Variants in KCNIP3 observed in about 807,000 individuals in gnomAD.
KCNIP3 encodes calsenilin.
In KCNIP3, 28 loss-of-function variants were observed where a neutral mutation model predicts 35.0. That is an observed-to-expected ratio of 0.80 (90% CI 0.59 to 1.10). KCNIP3 has a LOEUF of 1.10. KCNIP3 is among the 50% of genes least tolerant of loss of function. The probability of loss-of-function intolerance (pLI) is 0.00; values close to 1 mark genes in which losing one functional copy is unlikely to be tolerated. For synonymous variants in KCNIP3, 134 were observed against 133.8 expected, an observed-to-expected ratio of 1.00 and a Z score of -0.01; for missense variants, 295 against 338.4, an observed-to-expected ratio of 0.87 and a Z score of 1.01.
rs1015644566 is a variant in KCNIP3 at position 95,382,136 on chromosome 2, C to T, written c.556-241C>T. ...CCAAGCACTTTTTCTGCTGCCGCGTCACATTTTGGAGATAAGCACATAGCA... is the reference window on the plus strand; with the variant it reads ...CCAAGCACTTTTTCTGCTGCCGCGTTACATTTTGGAGATAAGCACATAGCA... On this transcript the variant is annotated intron_variant, in intron 6 of 8. Transcript: ENST00000295225. This position sits in a 1 kb window ranked among gnomAD's most constrained non-coding sequence, Gnocchi z 4.5. 6.6e-6 allele frequency among the ~76,000 whole-genome samples: 1 copy of T among 152,192 alleles called. No individual in the cohort carries two copies. The highest frequency in any genetic ancestry group is 1.5e-5 in the Non-Finnish European group (1 of 68,028).
chr2:95,327,754 C>T lies in KCNIP3; in HGVS notation c.181+17234C>T, dbSNP rs148678118. On this transcript the variant is annotated intron_variant, in intron 2 of 8. Coordinates refer to ENST00000295225, the MANE Select transcript of KCNIP3 (RefSeq NM_013434.5). ...CTGAGAGAGGGAATGGTTTGTCCAT[C>T]CATCTGTTTGTCCATCTATCCGTCC... is the stretch of plus-strand genomic sequence containing the variant. Among the ~76,000 whole-genome samples the T allele has an allele frequency of 1.2e-3, 188 of 152,326 alleles. 1 individual carries two copies. The highest frequency in any genetic ancestry group is 4.1e-3 in the African/African-American group (169 of 41,576).
At chr2:95,383,122 C>CCAA (rs1680388587) in intron 7 of KCNIP3, 110 bp from the exon 8 acceptor site, 15 of 415,472 alleles carry the variant, frequency 3.6e-5, no homozygotes, top group African/African-American at 6.6e-5. Flanking sequence ...CCCACCCGCC[C>CCAA]ATCCACCCAC....
Position 95,297,581 on chromosome 2 carries a change from T to G in KCNIP3, c.15+128T>G, listed in dbSNP as rs887082781. On this transcript the variant is annotated intron_variant, in intron 1 of 8. Transcript: ENST00000295225. ...TTGTCCCCTCTTGTTCCACTTTCCT[T>G]TGGGGAAAGTGAGCGTTGGGGCGTC... 7 of 778,426 alleles carry G rather than the reference T, an allele frequency of 9.0e-6. No homozygotes were observed. In the African/African-American group the frequency reaches 1.1e-4, roughly 12 times the overall value. The allele number at this position is 778,426 out of a possible 1,614,324, so 48.2% of individuals were successfully genotyped here. A position where few individuals can be genotyped will look rare whatever the true frequency, so the allele number is the denominator to read the frequency against.
At position 95,375,204 on chromosome 2, in the gene KCNIP3, T is replaced by C. The variant is rs774210393; in HGVS notation, c.443T>C (p.Phe148Ser). 3.7e-6 allele frequency: 6 copies of C among 1,613,962 alleles called. No homozygotes were observed. The African/African-American group carries it at 8.0e-5, about 22-fold the overall frequency. ...FDADGNGAIH[F>S]EDFVVGLSIL... ...GCGGACGGGAACGGGGCCATCCACT[T>C]TGAGGTAGGTCCTCGCGGATTCCTC... Residue 148 changes from phenylalanine to serine, a missense_variant, in exon 5 of 9, where the codon TTT becomes TCT. Physicochemically the swap from Phe to Ser is radical, Grantham distance 155. Transcript: ENST00000295225.
chr2:95,303,874 G>A (rs1475979145), intron 1 of KCNIP3, among the ~76,000 whole-genome samples: 3 of 152,216 alleles, frequency 2.0e-5, no homozygotes, highest in African/African-American at 4.8e-5. Context: ...AGTAGGCACA[G>A]TAAAGAAAGA....
At chr2:95,344,560 A>C (rs1306188505) in intron 2 of KCNIP3, among the ~76,000 whole-genome samples, 1 of 152,216 alleles carries the variant, frequency 6.6e-6, no homozygotes, top group Non-Finnish European at 1.5e-5. Context: ...GCAGTCATCG[A>C]AGCTCTCACT....
At chr2:95,368,683 C>T in intron 2 of KCNIP3, 1 of 282,930 alleles carries the variant, frequency 3.5e-6, no homozygotes. Flanking sequence ...TGTCTGTCAT[C>T]AGCAGTGGTG....
At chr2:95,348,457 C>T (rs182354351) in intron 2 of KCNIP3, among the ~76,000 whole-genome samples, 7 of 152,238 alleles carry the variant, frequency 4.6e-5, no homozygotes, top group Admixed American at 3.3e-4. Context: ...CTGGGGTGGG[C>T]GTGGGGGGTG....
At chr2:95,358,413 G>A (rs1679710713) in intron 2 of KCNIP3, among the ~76,000 whole-genome samples, 1 of 152,316 alleles carries the variant, frequency 6.6e-6, no homozygotes, top group South Asian at 2.1e-4. Context: ...AGCCCTGCTT[G>A]TAGTCTGTCA....
chr2:95,383,886 A>T, intron 8 of KCNIP3, 116 bp from the exon 9 acceptor site: 1 of 885,146 alleles, frequency 1.1e-6, no homozygotes, highest in Non-Finnish European at 1.9e-6. Flanking sequence ...GCACCCAATA[A>T]GACAGACAGA....
At chr2:95,341,297 C>T (rs1679188444) in intron 2 of KCNIP3, among the ~76,000 whole-genome samples, 1 of 152,180 alleles carries the variant, frequency 6.6e-6, no homozygotes, top group Non-Finnish European at 1.5e-5. Flanking sequence ...GTGCCTGCTC[C>T]CCCTTCACCT....
At chr2:95,328,964 AGGAGG>A (rs1282586851) in intron 2 of KCNIP3, among the ~76,000 whole-genome samples, 1 of 152,092 alleles carries the variant, frequency 6.6e-6, no homozygotes, top group African/African-American at 2.4e-5. Flanking sequence ...GGAGCTGCAG[AGGAGG>A]GGAGGGCAGA....
At chr2:95,362,462 A>AC (rs1679823736) in intron 2 of KCNIP3, among the ~76,000 whole-genome samples, 1 of 152,100 alleles carries the variant, frequency 6.6e-6, no homozygotes, top group South Asian at 2.1e-4. Context: ...CAACCTTGTG[A>AC]CCCCACGTAA....
intron 2 of KCNIP3, among the ~76,000 whole-genome samples, chr2:95,321,325 A>G (rs954139982): frequency 6.6e-6 from 1 of 152,196 alleles, no homozygotes; most frequent in Non-Finnish European, 1.5e-5. Context: ...ATTTAATACC[A>G]GATATAAGCA....
chr2:95,382,695 A>G lies in KCNIP3; in HGVS notation c.660+214A>G, dbSNP rs984449371. Among the ~76,000 whole-genome samples, 1 of 152,146 alleles carries G rather than the reference A, an allele frequency of 6.6e-6. No homozygotes were observed. The highest frequency in any genetic ancestry group is 6.5e-5 in the Admixed American group (1 of 15,282). On this transcript the variant is annotated intron_variant, in intron 7 of 8. Coordinates refer to ENST00000295225, the MANE Select transcript of KCNIP3 (RefSeq NM_013434.5). The surrounding 1 kb of genome is among the most constrained non-coding windows in gnomAD (Gnocchi z 4.5). The stretch of plus-strand genomic sequence containing the variant: ...CCTGTGGACCTCATCTGGGGGCCAG[A>G]GCTGGGGATCCTGAGGCAGCTGACC...
chr2:95,384,061 A>C lies in KCNIP3; in HGVS notation c.*12A>C. 1 of 1,613,464 alleles carries C rather than the reference A, an allele frequency of 6.2e-7. No individual in the cohort carries two copies. Among genetic ancestry groups the C allele is most frequent in the Non-Finnish European group, 8.5e-7 (1 of 1,179,502 alleles). On this transcript the variant is annotated 3_prime_UTR_variant, in exon 9 of 9. Coordinates refer to ENST00000295225, the MANE Select transcript of KCNIP3 (RefSeq NM_013434.5). ...AGAATGTCATCTAGGACACGTCCAA[A>C]GGAGTGCATGGCCACAGCCACCTCC...
At chr2:95,298,200 G>C (rs1677923909) in intron 1 of KCNIP3, among the ~76,000 whole-genome samples, 2 of 146,440 alleles carry the variant, frequency 1.4e-5, no homozygotes, top group South Asian at 4.4e-4. Flanking sequence ...CTGATGCCCT[G>C]TGAGCTGCTC....
At position 95,310,405 on chromosome 2, in the gene KCNIP3, A is replaced by G. The variant is rs1678281774; in HGVS notation, c.66A>G (p.Thr22=). 3 of 1,613,682 alleles carry G rather than the reference A, an allele frequency of 1.9e-6. No individual in the cohort carries two copies. The highest frequency in any genetic ancestry group is 1.1e-5 in the South Asian group (1 of 91,010). ...DGSLLGDLGH[T]PLSKKEGIKW... is the part of the protein sequence containing the mutation. ...GCCTCCTGGGGGACCTCGGGCACAC[A>G]CCACTTAGCAAGAAGGAGGGTATCA... is the stretch of plus-strand genomic sequence containing the variant. The change falls in exon 2 of 9, where the codon ACA becomes ACG. Residue 22 remains threonine, a synonymous_variant. Transcript: ENST00000295225.
intron 2 of KCNIP3, chr2:95,311,994 G>T (rs893198716): frequency 2.0e-5 from 3 of 152,206 alleles, no homozygotes; most frequent in African/African-American, 7.2e-5. Flanking sequence ...ATGAAAATGC[G>T]CCTGCTCTCC....
Sources: gnomAD v4.1 joint callset for allele counts (sites outside exome capture counted in the v4.1 genomes callset) on GRCh38, gnomAD v4.1.1 for gene constraint, Gnocchi (gnomAD v3.1) non-coding constraint, MANE v1.5 for transcripts, NCBI Gene and HGNC (gene_info 2026-07-23, HGNC 2026-07-21) for gene names.